The following ANO4 variants were observed in gnomAD, a reference collection of about 807,000 sequenced individuals.
ANO4 encodes anoctamin-4.
ANO4 carries 69 observed loss-of-function variants against 141.9 expected under a neutral mutation model. The observed-to-expected ratio is 0.49, with a 90% CI of 0.40 to 0.59. The LOEUF is 0.59. Among genes scored for constraint, ANO4 ranks in the 20% least tolerant of loss-of-function variants. ANO4 has a pLI of 0.00. For missense variants in ANO4, 894 were observed against 1,162.2 expected, an observed-to-expected ratio of 0.77 and a Z score of 3.36; for synonymous variants, 350 against 394.3, an observed-to-expected ratio of 0.89 and a Z score of 1.33.
intron 1 of ANO4, among the ~76,000 whole-genome samples, chr12:100,845,153 G>A (rs188718406): frequency 6.6e-6 from 1 of 152,184 alleles, no homozygotes. Context: ...TTTGAGTGGG[G>A]TGTAGGTGGG....
In ANO4 at chr12:100,936,588, T is replaced by C. The variant is rs145711789; in HGVS notation, c.161-2727T>C. 1.8e-3 allele frequency among the ~76,000 whole-genome samples: 272 copies of C among 152,030 alleles called. 1 individual carries two copies. The highest frequency in any genetic ancestry group is 6.1e-3 in the African/African-American group (255 of 41,470). ...AGGGGATACATACATATATCAAGAGTTTCTCCTTAGTATGAGCCAGTCACC... is the reference window on the plus strand; with the variant it reads ...AGGGGATACATACATATATCAAGAGCTTCTCCTTAGTATGAGCCAGTCACC... On this transcript the variant is annotated intron_variant, in intron 3 of 27. Coordinates refer to ENST00000392977, the MANE Select transcript of ANO4 (RefSeq NM_001286615.2).
chr12:101,109,799 C>G (rs1473779752), intron 22 of ANO4, among the ~76,000 whole-genome samples: 1 of 152,068 alleles, frequency 6.6e-6, no homozygotes, highest in African/African-American at 2.4e-5. Flanking sequence ...CATAGTTCCT[C>G]CTATGTTGAT....
intron 1 of ANO4, among the ~76,000 whole-genome samples, chr12:100,888,688 G>A (rs1339224465): frequency 2.0e-5 from 3 of 152,196 alleles, no homozygotes; most frequent in Non-Finnish European, 2.9e-5. Context: ...ACACAGAACA[G>A]GTGGAGAATG....
At chr12:100,751,840 A>G (rs1168605394) in intron 3 of ANO4, among the ~76,000 whole-genome samples, 8 of 152,146 alleles carry the variant, frequency 5.3e-5, no homozygotes, top group Non-Finnish European at 7.3e-5. Flanking sequence ...TAAAGAGGGC[A>G]TTTAATTTGG....
chr12:100,990,540 A>C (rs1284079350), intron 8 of ANO4, among the ~76,000 whole-genome samples: 2 of 152,248 alleles, frequency 1.3e-5, no homozygotes, highest in African/African-American at 4.8e-5. Context: ...TAATTTGTCA[A>C]ATAATTGATT....
chr12:100,865,909 G>A (rs1354594409), intron 1 of ANO4, among the ~76,000 whole-genome samples: 1 of 152,192 alleles, frequency 6.6e-6, no homozygotes, highest in Admixed American at 6.5e-5. Context: ...ACCAGACTTG[G>A]TGGGGAGACA....
chr12:100,801,312 T>C lies in ANO4; in HGVS notation c.-141+6285T>C, dbSNP rs142229598. Among the ~76,000 whole-genome samples, 391 of 152,262 alleles carry C rather than the reference T, an allele frequency of 2.6e-3. 2 individuals are homozygous for C. Among genetic ancestry groups the C allele is most frequent in the African/African-American group, 8.7e-3 (362 of 41,542 alleles). ...TGGAGAGTTTAATTTTTCAAACCAA[T>C]GTGACTATGAATTATACTGAGAAGG... On this transcript the variant is annotated intron_variant, in intron 1 of 27. Coordinates refer to ENST00000392977, the MANE Select transcript of ANO4 (RefSeq NM_001286615.2).
chr12:101,023,045 A>C lies in ANO4; in HGVS notation c.841+2905A>C, dbSNP rs542990801. Among the ~76,000 whole-genome samples the C allele has an allele frequency of 2.0e-5, 3 of 152,282 alleles. No individual in the cohort carries two copies. The East Asian group carries it at 5.8e-4, about 29-fold the overall frequency. ...CTAGTGTATTAAGAATCTGCAGCTG[A>C]ATGCTGCTCATCTGGATAATAAGAT... On this transcript the variant is annotated intron_variant, in intron 9 of 27. Transcript: ENST00000392977.
intron 5 of ANO4, among the ~76,000 whole-genome samples, chr12:100,950,697 G>A (rs748257895): frequency 6.6e-6 from 1 of 152,116 alleles, no homozygotes; most frequent in Admixed American, 6.6e-5. Flanking sequence ...CACAGAGCTG[G>A]TCTACTTTTC....
rs115325019 is a variant in ANO4 at position 100,981,779 on chromosome 12, A to G, written c.603-5760A>G. Among the ~76,000 whole-genome samples the G allele has an allele frequency of 4.1e-3, 628 of 152,234 alleles. 6 individuals are homozygous for G. The highest frequency in any genetic ancestry group is 0.014 in the African/African-American group (600 of 41,536). Reference sequence around the variant, plus strand: ...CAGCATGCAGGTTGGCATTCTGTACATTGTAGGCAGTTTATAAAGGTCTCC... The same window carrying G: ...CAGCATGCAGGTTGGCATTCTGTACGTTGTAGGCAGTTTATAAAGGTCTCC... On this transcript the variant is annotated intron_variant, in intron 7 of 27. Coordinates refer to ENST00000392977, the MANE Select transcript of ANO4 (RefSeq NM_001286615.2).
At chr12:100,902,686 T>C (rs1231360271) in intron 2 of ANO4, among the ~76,000 whole-genome samples, 1 of 152,222 alleles carries the variant, frequency 6.6e-6, no homozygotes, top group Non-Finnish European at 1.5e-5. Context: ...TCTTAGCATG[T>C]AACCTTGCTT....
At position 100,850,310 on chromosome 12, in the gene ANO4, A is replaced by C. The variant is rs149328569; in HGVS notation, c.-140-51336A>C. On this transcript the variant is annotated intron_variant, in intron 1 of 27. Transcript: ENST00000392977. ...TAATTAAAAGAAGGTCTAGGAGGAC[A>C]TGGTTCTTCCTTGTACACCTACTGG... 3.4e-3 allele frequency among the ~76,000 whole-genome samples: 514 copies of C among 152,296 alleles called. 1 individual carries two copies. Among genetic ancestry groups the C allele is most frequent in the Middle Eastern group, 0.02 (6 of 294 alleles).
At chr12:101,065,978 A>G (rs114085602) in intron 14 of ANO4, among the ~76,000 whole-genome samples, 2,516 of 152,372 alleles carry the variant, frequency 0.017, 92 homozygotes, top group African/African-American at 0.058. Flanking sequence ...AACCAGTGTG[A>G]TACATCATAT....
intron 1 of ANO4, among the ~76,000 whole-genome samples, chr12:100,807,214 G>C (rs922712405): frequency 2.0e-5 from 3 of 152,124 alleles, no homozygotes; most frequent in African/African-American, 7.2e-5. Context: ...TGCTGGCTAG[G>C]TGGTGATTCT....
At chr12:101,054,593 G>A (rs989729916) in intron 14 of ANO4, among the ~76,000 whole-genome samples, 20 of 152,136 alleles carry the variant, frequency 1.3e-4, no homozygotes, top group African/African-American at 4.3e-4. Context: ...TCCGCCTCCC[G>A]GCTTCACGCC....
chr12:100,772,268 A>G (rs2033331019), intron 3 of ANO4, among the ~76,000 whole-genome samples: 1 of 152,200 alleles, frequency 6.6e-6, no homozygotes, highest in Non-Finnish European at 1.5e-5. Flanking sequence ...TGCTTGTATG[A>G]GTTATGCAAT....
At chr12:100,876,314 A>ATGGAAT (rs1451911246) in intron 1 of ANO4, among the ~76,000 whole-genome samples, 4 of 150,108 alleles carry the variant, frequency 2.7e-5, no homozygotes, top group Non-Finnish European at 1.5e-5. Context: ...AATTATCAAG[A>ATGGAAT]TGGAATTGCT....
At chr12:100,754,008 C>T (rs1374775328) in intron 3 of ANO4, among the ~76,000 whole-genome samples, 1 of 152,188 alleles carries the variant, frequency 6.6e-6, no homozygotes, top group Non-Finnish European at 1.5e-5. Context: ...CATCATCCCT[C>T]AGTTCTTTTG....
chr12:101,025,757 G>A (rs2046708678), intron 9 of ANO4, among the ~76,000 whole-genome samples: 1 of 152,216 alleles, frequency 6.6e-6, no homozygotes, highest in African/African-American at 2.4e-5. Context: ...ATCCTGGACT[G>A]CAAGGTTGGC....
Sources: gnomAD v4.1 joint callset for allele counts (sites outside exome capture counted in the v4.1 genomes callset) on GRCh38, gnomAD v4.1.1 for gene constraint, MANE v1.5 for transcripts, NCBI Gene and HGNC (gene_info 2026-07-23, HGNC 2026-07-21) for gene names.